Variants in CCDC146 observed in about 807,000 individuals in gnomAD.
The protein encoded by CCDC146 is coiled-coil domain-containing protein 146.
CCDC146 carries 92 observed loss-of-function variants against 119.3 expected under a neutral mutation model. The ratio of observed to expected loss-of-function variants is 0.77; its 90% CI spans 0.65 to 0.92. CCDC146 has a LOEUF of 0.92. CCDC146 is among the 40% of genes least tolerant of loss of function. The probability of loss-of-function intolerance (pLI) is 0.00; values close to 1 mark genes in which losing one functional copy is unlikely to be tolerated. For synonymous variants in CCDC146, 372 were observed against 371.8 expected, an observed-to-expected ratio of 1.00 and a Z score of -0.01; for missense variants, 1,000 against 1,103.0, an observed-to-expected ratio of 0.91 and a Z score of 1.32.
chr7:77,271,405 C>T (rs1175898077), intron 9 of CCDC146, among the ~76,000 whole-genome samples: 1 of 150,726 alleles, frequency 6.6e-6, no homozygotes, highest in Non-Finnish European at 1.5e-5. Context: ...TTCCTTCCTC[C>T]TCAGCTTGCA....
chr7:77,137,010 A>T (rs1407626924), intron 1 of CCDC146, among the ~76,000 whole-genome samples: 1 of 152,224 alleles, frequency 6.6e-6, no homozygotes, highest in Admixed American at 6.5e-5. Flanking sequence ...TCATGTGACC[A>T]TATCAATAGA....
Position 77,196,298 on chromosome 7 carries a change from G to A in CCDC146, c.156+28474G>A, listed in dbSNP as rs1330033848. 6.2e-7 allele frequency: 1 copy of A among 1,613,552 alleles called. No individual in the cohort carries two copies. The highest frequency in any genetic ancestry group is 1.1e-5 in the South Asian group (1 of 91,062). ...AGTGATTTATGGCTTAAAGTGCTTGGGTCTGATCATCATCTTAGCCTCTTT... is the reference window on the plus strand; with the variant it reads ...AGTGATTTATGGCTTAAAGTGCTTGAGTCTGATCATCATCTTAGCCTCTTT... On this transcript the variant is annotated intron_variant, in intron 2 of 18. Coordinates refer to ENST00000285871, the MANE Select transcript of CCDC146 (RefSeq NM_020879.3). This position sits in a 1 kb window ranked among gnomAD's most constrained non-coding sequence, Gnocchi z 4.2.
intron 9 of CCDC146, among the ~76,000 whole-genome samples, chr7:77,264,223 G>T (rs1189336745): frequency 6.6e-6 from 1 of 151,710 alleles, no homozygotes; most frequent in African/African-American, 2.4e-5. Context: ...CTATCTTTTG[G>T]CGTGTTAGAT....
In CCDC146 at chr7:77,287,646, G is replaced by A. The variant is rs1046768926; in HGVS notation, c.2415+69G>A. On this transcript the variant is annotated intron_variant, in intron 17 of 18. Transcript: ENST00000285871. ...TATTACCTTTTATTTTCCACAGACC[G>A]ACAGATTTATTGAGAGAAGCACTGG... 3.8e-5 allele frequency: 58 copies of A among 1,530,286 alleles called. 1 individual carries two copies. In the East Asian group the frequency reaches 9.6e-4, roughly 25 times the overall value. 94.8% of individuals were successfully genotyped at this position (1,530,286 alleles called of 1,614,324 possible).
intron 2 of CCDC146, among the ~76,000 whole-genome samples, chr7:77,170,446 T>G (rs1441701176): frequency 6.6e-6 from 1 of 152,222 alleles, no homozygotes; most frequent in African/African-American, 2.4e-5. Context: ...TATGAGTGCA[T>G]GTGTCTTTTT....
At chr7:77,160,579 T>C (rs1171933908) in intron 1 of CCDC146, among the ~76,000 whole-genome samples, 2 of 149,214 alleles carry the variant, frequency 1.3e-5, no homozygotes, top group Non-Finnish European at 3.0e-5. Flanking sequence ...TTGTCTATTA[T>C]TGGTGTATAG....
intron 1 of CCDC146, among the ~76,000 whole-genome samples, chr7:77,136,030 A>G (rs1472539569): frequency 6.6e-6 from 1 of 152,240 alleles, no homozygotes; most frequent in Non-Finnish European, 1.5e-5. Context: ...TAGAGCTGCA[A>G]GAAGACATAT....
Position 77,196,357 on chromosome 7 carries a change from A to C in CCDC146, c.156+28533A>C. 1 of 1,614,120 alleles carries C rather than the reference A, an allele frequency of 6.2e-7. No individual in the cohort carries two copies. ...ACTTGTAGCCACCAGGGTGTGCCTC[A>C]CTTACACCAGGCCAGGTACCCCAGA... On this transcript the variant is annotated intron_variant, in intron 2 of 18. Coordinates refer to ENST00000285871, the MANE Select transcript of CCDC146 (RefSeq NM_020879.3). The surrounding 1 kb of genome is among the most constrained non-coding windows in gnomAD (Gnocchi z 4.2).
chr7:77,249,209 T>C (rs934882177), intron 4 of CCDC146, among the ~76,000 whole-genome samples: 5 of 152,140 alleles, frequency 3.3e-5, no homozygotes, highest in African/African-American at 1.2e-4. Flanking sequence ...AAGAATCCAC[T>C]GGCCGGGCGC....
intron 10 of CCDC146, 23 bp downstream of exon 10, chr7:77,273,812 G>A: frequency 6.8e-7 from 1 of 1,477,668 alleles, no homozygotes. Flanking sequence ...GCTCATTTAA[G>A]CTTCTATCTA....
At position 77,141,399 on chromosome 7, in the gene CCDC146, A is replaced by G. The variant is rs182918728; in HGVS notation, c.-12+18667A>G. ...AATATACATGTGCCTGTGTCTTCAT[A>G]GTAGAATGACTTATAATCCTTTGGG... is the stretch of plus-strand genomic sequence containing the variant. On this transcript the variant is annotated intron_variant, in intron 1 of 18. Coordinates refer to ENST00000285871, the MANE Select transcript of CCDC146 (RefSeq NM_020879.3). Among the ~76,000 whole-genome samples the G allele has an allele frequency of 4.9e-3, 742 of 152,304 alleles. 4 individuals carry two copies. The highest frequency in any genetic ancestry group is 0.017 in the African/African-American group (695 of 41,550).
At chr7:77,235,841 G>A (rs1165856962) in intron 2 of CCDC146, among the ~76,000 whole-genome samples, 6 of 152,060 alleles carry the variant, frequency 3.9e-5, no homozygotes, top group Non-Finnish European at 7.4e-5. Context: ...AGGCCAAGGT[G>A]GGTGGATCAC....
intron 16 of CCDC146, 111 bp downstream of exon 16, chr7:77,287,037 A>G: frequency 8.7e-7 from 1 of 1,149,742 alleles, no homozygotes; most frequent in African/African-American, 1.5e-5. Flanking sequence ...TCATTATTCT[A>G]GTCACTAATA....
At chr7:77,167,552 C>T (rs1791354276) in intron 1 of CCDC146, 106 bp from the exon 2 acceptor site, 1 of 862,422 alleles carries the variant, frequency 1.2e-6, no homozygotes, top group African/African-American at 1.8e-5. Flanking sequence ...TTTCATTGAA[C>T]AATAGCTTAT....
chr7:77,207,512 A>G (rs556115487), intron 2 of CCDC146, among the ~76,000 whole-genome samples: 2 of 152,324 alleles, frequency 1.3e-5, no homozygotes, highest in South Asian at 2.1e-4. Context: ...AACAATTGCT[A>G]TTGCACAAGA....
At chr7:77,283,470 T>G (rs60289382) in intron 15 of CCDC146, among the ~76,000 whole-genome samples, 13,299 of 152,208 alleles carry the variant, frequency 0.087, 2,005 homozygotes, top group African/African-American at 0.3. Context: ...CATTGACCAA[T>G]GTAGCAGGAA....
chr7:77,229,666 GA>G (rs1474897166), intron 2 of CCDC146, among the ~76,000 whole-genome samples: 2 of 151,996 alleles, frequency 1.3e-5, no homozygotes, highest in African/African-American at 4.8e-5. Context: ...CAAAGCTAGG[GA>G]AAAAAATTTT....
chr7:77,266,122 G>T (rs1044807723), intron 9 of CCDC146, among the ~76,000 whole-genome samples: 6 of 152,196 alleles, frequency 3.9e-5, no homozygotes, highest in Non-Finnish European at 8.8e-5. Context: ...CCATCATGTT[G>T]TAGGGGTTAG....
intron 5 of CCDC146, among the ~76,000 whole-genome samples, chr7:77,255,073 A>T (rs1314948347): frequency 6.6e-6 from 1 of 152,170 alleles, no homozygotes; most frequent in African/African-American, 2.4e-5. Flanking sequence ...CTCCATTCAT[A>T]TACCAGCCAT....
Sources: allele counts gnomAD v4.1 joint callset (sites outside exome capture counted in the v4.1 genomes callset), GRCh38; gene constraint gnomAD v4.1.1; non-coding constraint Gnocchi (gnomAD v3.1); transcripts MANE v1.5; gene names NCBI Gene and HGNC (gene_info 2026-07-23, HGNC 2026-07-21).